Variants in PTDSS1 observed in about 807,000 individuals in gnomAD.
PTDSS1 encodes PSS-1.
A neutral mutation model predicts 70.5 loss-of-function variants in PTDSS1; 45 were observed. The ratio of observed to expected loss-of-function variants is 0.64; its 90% CI spans 0.50 to 0.82. The LOEUF is 0.82. PTDSS1 is among the 40% of genes least tolerant of loss of function. PTDSS1 has a pLI of 0.00. For missense variants in PTDSS1, 417 were observed against 586.1 expected, an observed-to-expected ratio of 0.71 and a Z score of 2.98; for synonymous variants, 188 against 203.8, an observed-to-expected ratio of 0.92 and a Z score of 0.66.
chr8:96,315,075 T>C (rs938635965), intron 9 of PTDSS1, among the ~76,000 whole-genome samples: 2 of 152,186 alleles, frequency 1.3e-5, no homozygotes, highest in Non-Finnish European at 2.9e-5. Flanking sequence ...AGGAGCACAA[T>C]AGGAATTGTA....
At chr8:96,320,192 T>C in intron 9 of PTDSS1, 54 bp from the exon 10 acceptor site, 2 of 1,434,946 alleles carry the variant, frequency 1.4e-6, no homozygotes, top group South Asian at 1.2e-5. Context: ...TTGGATAAAG[T>C]GTATGCTCTG....
At chr8:96,278,266 A>C (rs1810678641) in intron 2 of PTDSS1, among the ~76,000 whole-genome samples, 1 of 152,252 alleles carries the variant, frequency 6.6e-6, no homozygotes, top group Admixed American at 6.5e-5. Context: ...TATAGTGTTT[A>C]GAGGAGTAGG....
chr8:96,319,551 A>G (rs1327661046), intron 9 of PTDSS1, among the ~76,000 whole-genome samples: 1 of 152,156 alleles, frequency 6.6e-6, no homozygotes, highest in East Asian at 1.9e-4. Flanking sequence ...AAGAGAAGGT[A>G]AAGGGTTTAT....
chr8:96,321,711 G>A (rs1358525130), intron 10 of PTDSS1, among the ~76,000 whole-genome samples: 4 of 152,050 alleles, frequency 2.6e-5, no homozygotes, highest in South Asian at 2.1e-4. Context: ...ACTAACCTTT[G>A]TATTTTTAAC....
rs527484100 is a variant in PTDSS1, at chr8:96,330,552, A to G, written c.1242+271A>G. On this transcript the variant is annotated intron_variant, in intron 11 of 12. Coordinates refer to ENST00000517309, the MANE Select transcript of PTDSS1 (RefSeq NM_014754.3). ...TTGTTTGGAGAAAAAAAGAAAAGTG[A>G]TGGGAAAGCTGTGGACTGGCTTTTG... 289 of 463,254 alleles carry G rather than the reference A, an allele frequency of 6.2e-4. 4 individuals carry two copies. The highest frequency in any genetic ancestry group is 6.1e-3 in the South Asian group (263 of 42,770). 28.7% of individuals were successfully genotyped at this position (463,254 alleles called of 1,614,324 possible).
chr8:96,270,737 T>C (rs187597775), intron 1 of PTDSS1, among the ~76,000 whole-genome samples: 2 of 152,080 alleles, frequency 1.3e-5, no homozygotes, highest in Non-Finnish European at 2.9e-5. Context: ...AATACATTTT[T>C]TCCTAATTAG....
At chr8:96,319,088 A>G (rs1346838980) in intron 9 of PTDSS1, among the ~76,000 whole-genome samples, 1 of 150,980 alleles carries the variant, frequency 6.6e-6, no homozygotes, top group Non-Finnish European at 1.5e-5. Context: ...TAATTTTTGT[A>G]TTATTGGCAG....
intron 9 of PTDSS1, among the ~76,000 whole-genome samples, chr8:96,316,264 G>A (rs1033198638): frequency 4.6e-5 from 7 of 152,138 alleles, no homozygotes; most frequent in African/African-American, 1.7e-4. Flanking sequence ...CCAGCAGAAG[G>A]TTCTCGAATG....
intron 4 of PTDSS1, among the ~76,000 whole-genome samples, chr8:96,294,223 G>A (rs1238240070): frequency 3.3e-5 from 5 of 152,180 alleles, no homozygotes; most frequent in African/African-American, 1.2e-4. Flanking sequence ...TTTGCTCTCA[G>A]AAAGTATCAT....
chr8:96,325,581 C>T (rs1811427775), intron 10 of PTDSS1, among the ~76,000 whole-genome samples: 2 of 152,152 alleles, frequency 1.3e-5, no homozygotes, highest in African/African-American at 4.8e-5. Context: ...GACAATGCAG[C>T]TCAACTCCAT....
chr8:96,303,702 C>CA (rs1212157322), intron 6 of PTDSS1, among the ~76,000 whole-genome samples: 1 of 152,110 alleles, frequency 6.6e-6, no homozygotes, highest in Non-Finnish European at 1.5e-5. Context: ...TTCATCAACC[C>CA]AAAATGTTTA....
chr8:96,318,322 T>A (rs1351642226), intron 9 of PTDSS1, among the ~76,000 whole-genome samples: 8 of 148,522 alleles, frequency 5.4e-5, no homozygotes, highest in South Asian at 2.1e-4. Flanking sequence ...AGACTCTATT[T>A]AAAAAAAAAA....
chr8:96,311,558 C>T (rs886604878), intron 9 of PTDSS1, among the ~76,000 whole-genome samples: 8 of 152,082 alleles, frequency 5.3e-5, no homozygotes, highest in Non-Finnish European at 1.0e-4. Context: ...GTGTTTCCAG[C>T]TGTCATCTAG....
At chr8:96,309,677 T>A in intron 9 of PTDSS1, 55 bp downstream of exon 9, 1 of 1,569,392 alleles carries the variant, frequency 6.4e-7, no homozygotes, top group South Asian at 1.1e-5. Context: ...TAATTTTATT[T>A]GGGTATTTCT....
chr8:96,267,250 C>T (rs1160017411), intron 1 of PTDSS1, among the ~76,000 whole-genome samples: 4 of 152,210 alleles, frequency 2.6e-5, no homozygotes, highest in Non-Finnish European at 5.9e-5. Context: ...GCCCTGGCAT[C>T]CCATTTAATT....
At chr8:96,268,171 C>T (rs1810514568) in intron 1 of PTDSS1, among the ~76,000 whole-genome samples, 1 of 152,178 alleles carries the variant, frequency 6.6e-6, no homozygotes, top group Non-Finnish European at 1.5e-5. Context: ...TATCACCATT[C>T]TTTTCCTTTA....
chr8:96,332,486 C>T (rs1049900875), intron 12 of PTDSS1, among the ~76,000 whole-genome samples: 4 of 152,150 alleles, frequency 2.6e-5, no homozygotes, highest in African/African-American at 4.8e-5. Flanking sequence ...AGCTGCTGGC[C>T]GCCCTTTTGG....
chr8:96,298,175 G>A (rs933566163), intron 5 of PTDSS1, among the ~76,000 whole-genome samples: 1 of 152,134 alleles, frequency 6.6e-6, no homozygotes, highest in African/African-American at 2.4e-5. Context: ...GGTAGTACCA[G>A]GCCCCTGGGG....
At chr8:96,333,080 T>TGGTTGAGGCA (rs1029932369) in intron 12 of PTDSS1, among the ~76,000 whole-genome samples, 3 of 152,132 alleles carry the variant, frequency 2.0e-5, no homozygotes, top group Non-Finnish European at 4.4e-5. Flanking sequence ...TGGAAACCCT[T>TGGTTGAGGCA]GGTTGCAGGG....
Sources: gnomAD v4.1 joint callset for allele counts (sites outside exome capture counted in the v4.1 genomes callset) on GRCh38, gnomAD v4.1.1 for gene constraint, MANE v1.5 for transcripts, NCBI Gene and HGNC (gene_info 2026-07-23, HGNC 2026-07-21) for gene names.